PTPRB: variants seen among roughly 807,000 people sequenced by gnomAD.
The protein encoded by PTPRB is receptor-type tyrosine-protein phosphatase beta.
A neutral mutation model predicts 238.1 loss-of-function variants in PTPRB; 97 were observed. That is an observed-to-expected ratio of 0.41 (90% CI 0.35 to 0.48). The LOEUF (loss-of-function observed/expected upper bound fraction) is 0.48. Among genes scored for constraint, PTPRB ranks in the 20% least tolerant of loss-of-function variants. PTPRB has a pLI of 0.30. For synonymous variants in PTPRB, 970 were observed against 995.4 expected, an observed-to-expected ratio of 0.97 and a Z score of 0.48; for missense variants, 2,292 against 2,681.9, an observed-to-expected ratio of 0.85 and a Z score of 3.21.
chr12:70,597,003 C>T (rs535287513), intron 4 of PTPRB, among the ~76,000 whole-genome samples: 4 of 151,942 alleles, frequency 2.6e-5, no homozygotes, highest in African/African-American at 4.8e-5. Flanking sequence ...CTGCAACCTC[C>T]GCCTCCCGGG....
chr12:70,603,906 G>T (rs1202387464), intron 4 of PTPRB, among the ~76,000 whole-genome samples: 2 of 152,060 alleles, frequency 1.3e-5, no homozygotes, highest in Admixed American at 1.3e-4. Flanking sequence ...CCTCCACAGG[G>T]TTGCCATGAG....
intron 9 of PTPRB, among the ~76,000 whole-genome samples, chr12:70,586,505 C>T (rs950640082): frequency 5.3e-5 from 8 of 152,122 alleles, no homozygotes; most frequent in African/African-American, 1.9e-4. Flanking sequence ...AGATTAGATT[C>T]CCCATGCTCC....
At chr12:70,535,653 C>A (rs1009199253) in intron 29 of PTPRB, among the ~76,000 whole-genome samples, 5 of 152,166 alleles carry the variant, frequency 3.3e-5, no homozygotes, top group African/African-American at 1.2e-4. Flanking sequence ...TGTCTGCCAA[C>A]ACAGTCTACA....
At position 70,544,304 on chromosome 12, in the gene PTPRB, T is replaced by C. The variant is rs540538166; in HGVS notation, c.5494+253A>G. 1.4e-4 allele frequency among the ~76,000 whole-genome samples: 21 copies of C among 152,348 alleles called. No homozygotes were observed. In the South Asian group the frequency reaches 3.9e-3, roughly 29 times the overall value. On this transcript the variant is annotated intron_variant, in intron 22 of 33. Coordinates refer to ENST00000334414, the MANE Select transcript of PTPRB (RefSeq NM_001109754.4). Reference sequence around the variant, plus strand: ...CTTGATTTTAATGGTTTTCACTCACTATTTAGAAAATAATTCATTTTTAAT... The same window carrying C: ...CTTGATTTTAATGGTTTTCACTCACCATTTAGAAAATAATTCATTTTTAAT...
In PTPRB at chr12:70,627,523, T is replaced by C. The variant is rs1017911575; in HGVS notation, c.452-4877A>G. On this transcript the variant is annotated intron_variant, in intron 2 of 33. Coordinates refer to ENST00000334414, the MANE Select transcript of PTPRB (RefSeq NM_001109754.4). ...TAGGCTACATGAAAATCTATTATTT[T>C]ACTTTTCTTTTTTTCAGCAGAGGAA... Among the ~76,000 whole-genome samples the C allele has an allele frequency of 1.8e-4, 27 of 152,290 alleles. 1 individual carries two copies. Among genetic ancestry groups the C allele is most frequent in the Non-Finnish European group, 1.8e-4 (12 of 68,020 alleles).
intron 3 of PTPRB, among the ~76,000 whole-genome samples, chr12:70,615,770 G>A (rs1354333341): frequency 1.3e-5 from 2 of 152,184 alleles, no homozygotes; most frequent in Non-Finnish European, 2.9e-5. Flanking sequence ...GGATTTAGGA[G>A]CTAGCAAACA....
chr12:70,581,511 G>A (rs1025167330), intron 9 of PTPRB, among the ~76,000 whole-genome samples: 4 of 152,040 alleles, frequency 2.6e-5, no homozygotes, highest in Admixed American at 2.6e-4. Context: ...GCTTATATAG[G>A]GAATCAAAAT....
chr12:70,626,764 TACACAC>T (rs1390251510), intron 2 of PTPRB, among the ~76,000 whole-genome samples: 1 of 151,820 alleles, frequency 6.6e-6, no homozygotes, highest in Admixed American at 6.6e-5. Context: ...AGGATGACTG[TACACAC>T]ACACATACAC....
At chr12:70,602,924 T>C (rs1267257639) in intron 4 of PTPRB, among the ~76,000 whole-genome samples, 1 of 152,224 alleles carries the variant, frequency 6.6e-6, no homozygotes, top group Non-Finnish European at 1.5e-5. Flanking sequence ...TTCATACATA[T>C]AGAATGGGAT....
Position 70,534,436 on chromosome 12 carries a change from G to C in PTPRB, c.6368+52C>G, listed in dbSNP as rs950699812. On this transcript the variant is annotated intron_variant, in intron 31 of 33. Transcript: ENST00000334414. Reference sequence around the variant, plus strand: ...GCTTATGTATTTTTCCAGACTCCCAGGCACAACCCCCTTATGGCTGCCATT... The same window carrying C: ...GCTTATGTATTTTTCCAGACTCCCACGCACAACCCCCTTATGGCTGCCATT... 7.0e-6 allele frequency: 11 copies of C among 1,580,798 alleles called. No homozygotes were observed. In the Admixed American group the frequency reaches 1.6e-4, roughly 23 times the overall value.
chr12:70,601,674 C>A (rs1408506268), intron 4 of PTPRB, among the ~76,000 whole-genome samples: 3 of 152,034 alleles, frequency 2.0e-5, no homozygotes, highest in Admixed American at 6.5e-5. Context: ...AAAACCAAAC[C>A]ATCCTTTGGT....
At position 70,526,877 on chromosome 12, in the gene PTPRB, C is replaced by T. The variant is rs935344741; in HGVS notation, c.6505-2286G>A. On this transcript the variant is annotated intron_variant, in intron 32 of 33. Coordinates refer to ENST00000334414, the MANE Select transcript of PTPRB (RefSeq NM_001109754.4). ...AATAAATTCTTTAACAATGATTCAC[C>T]GTGGGCTTTGAAACAAGTTAATATC... Among the ~76,000 whole-genome samples, 9 of 152,270 alleles carry T rather than the reference C, an allele frequency of 5.9e-5. No homozygotes were observed. In the South Asian group the frequency reaches 8.3e-4, roughly 14 times the overall value.
In PTPRB at chr12:70,566,619, C is replaced by G. The variant is rs1218792612; in HGVS notation, c.3720G>C (p.Val1240=). The G allele has an allele frequency of 1.2e-6, 2 of 1,613,944 alleles. No homozygotes were observed. The highest frequency in any genetic ancestry group is 1.7e-6 in the Non-Finnish European group (2 of 1,179,884). Residue 1240 remains valine (V), a synonymous_variant, in exon 15 of 34, where the codon GTG becomes GTC. Coordinates refer to ENST00000334414, the MANE Select transcript of PTPRB (RefSeq NM_001109754.4). ...LIVSWQKAAG[V]AERYDILLLT... ...GAAGCAGGATATCATATCTTTCTGC[C>G]ACACCAGCAGCTTTTTGCCAACTTA... is the stretch of plus-strand genomic sequence containing the variant.
chr12:70,591,052 T>C (rs1159337524), intron 7 of PTPRB, among the ~76,000 whole-genome samples: 2 of 144,776 alleles, frequency 1.4e-5, no homozygotes, highest in Admixed American at 1.5e-4. Flanking sequence ...CAGCTCAGCC[T>C]CCTGAGTAGC....
intron 2 of PTPRB, among the ~76,000 whole-genome samples, chr12:70,634,261 T>C (rs1885585091): frequency 6.6e-6 from 1 of 152,152 alleles, no homozygotes; most frequent in South Asian, 2.1e-4. Context: ...GCCTCACAAA[T>C]CAACACCTAA....
intron 15 of PTPRB, 66 bp from the exon 16 acceptor site, chr12:70,563,173 G>A (rs111625457): frequency 0.023 from 32,484 of 1,442,332 alleles, 1,739 homozygotes; most frequent in African/African-American, 0.21. Context: ...AGCAGGTGGG[G>A]AAGAGGGAAA....
chr12:70,542,024 A>G (rs1452627005), intron 22 of PTPRB: 1 of 152,120 alleles, frequency 6.6e-6, no homozygotes, highest in Non-Finnish European at 1.5e-5. Flanking sequence ...TATTTCTATA[A>G]ACTGTTTTTC....
intron 6 of PTPRB, among the ~76,000 whole-genome samples, chr12:70,594,058 A>G (rs1882760115): frequency 6.6e-6 from 1 of 152,192 alleles, no homozygotes; most frequent in Non-Finnish European, 1.5e-5. Context: ...TCATATGGTT[A>G]GATAGAAAAT....
rs112581017 is a variant in PTPRB, at chr12:70,609,160, G to A, written c.888C>T (p.Tyr296=). 2,267 of 1,613,986 alleles carry A rather than the reference G, an allele frequency of 1.4e-3. 4 individuals are homozygous for A. Among genetic ancestry groups the A allele is most frequent in the Non-Finnish European group, 1.7e-3 (1,988 of 1,179,866 alleles). ...CPTFRIDNTT[Y]GCNLQDLQAG... Reference sequence around the variant, plus strand: ...CTTGTAAATCTTGAAGGTTACATCCGTATGTGGTGTTGTCTATCCGAAAGG... The same window carrying A: ...CTTGTAAATCTTGAAGGTTACATCCATATGTGGTGTTGTCTATCCGAAAGG... The change falls in exon 4 of 34, where the codon TAC becomes TAT. Residue 296 remains tyrosine (Y), a synonymous_variant. Transcript: ENST00000334414.
Sources: gnomAD v4.1 joint callset for allele counts (sites outside exome capture counted in the v4.1 genomes callset) on GRCh38, gnomAD v4.1.1 for gene constraint, MANE v1.5 for transcripts, NCBI Gene and HGNC (gene_info 2026-07-23, HGNC 2026-07-21) for gene names.